SCYL2: variants seen among roughly 807,000 people sequenced by gnomAD.
The protein encoded by SCYL2 is SCY1 like pseudokinase 2.
SCYL2 carries 36 observed loss-of-function variants against 100.4 expected under a neutral mutation model. The ratio of observed to expected loss-of-function variants is 0.36; its 90% confidence interval spans 0.27 to 0.47. SCYL2 has a LOEUF of 0.47. SCYL2 is among the 20% of genes least tolerant of loss of function. The pLI, the probability that SCYL2 is intolerant of heterozygous loss-of-function variation, is 1.00. For missense variants in SCYL2, 902 were observed against 1,083.9 expected, an observed-to-expected ratio of 0.83 and a Z score of 2.36; for synonymous variants, 330 against 359.2, an observed-to-expected ratio of 0.92 and a Z score of 0.92.
At chr12:100,291,369 A>G (rs377395086) in intron 2 of SCYL2, 134 bp from the exon 3 acceptor site, 2 of 596,028 alleles carry the variant, frequency 3.4e-6, no homozygotes, top group African/African-American at 1.9e-5. Context: ...AAGGAAACCA[A>G]CTCTTTGATA....
intron 8 of SCYL2, 75 bp from the exon 9 acceptor site, chr12:100,315,483 G>A: frequency 1.6e-6 from 2 of 1,235,724 alleles, no homozygotes; most frequent in Non-Finnish European, 2.2e-6. Flanking sequence ...AGAGGTTTTA[G>A]ACCTTAGTGT....
intron 10 of SCYL2, among the ~76,000 whole-genome samples, chr12:100,320,234 T>C (rs1321445916): frequency 9.2e-5 from 14 of 152,106 alleles, no homozygotes; most frequent in Non-Finnish European, 2.9e-5. Context: ...TAGTTCCTCA[T>C]CCCGGCTGTT....
chr12:100,280,563 AT>A (rs1390847973), intron 1 of SCYL2, among the ~76,000 whole-genome samples: 1 of 152,218 alleles, frequency 6.6e-6, no homozygotes, highest in African/African-American at 2.4e-5. Flanking sequence ...GTCAACAGAC[AT>A]CATCACAATT....
intron 2 of SCYL2, among the ~76,000 whole-genome samples, chr12:100,288,986 C>T (rs556604041): frequency 4.1e-4 from 63 of 151,854 alleles, no homozygotes; most frequent in Non-Finnish European, 7.1e-4. Flanking sequence ...AGATTACAGG[C>T]GTGAGCTACC....
chr12:100,327,917 A>G (rs959030514), intron 12 of SCYL2, among the ~76,000 whole-genome samples: 4 of 152,188 alleles, frequency 2.6e-5, no homozygotes, highest in African/African-American at 9.6e-5. Context: ...GCAAGTATTT[A>G]TTGTGGACCT....
At chr12:100,293,113 G>C (rs1328521669) in intron 3 of SCYL2, among the ~76,000 whole-genome samples, 2 of 151,848 alleles carry the variant, frequency 1.3e-5, no homozygotes, top group African/African-American at 2.4e-5. Context: ...ACTGTGCCTG[G>C]CCTCTTCTTT....
intron 3 of SCYL2, among the ~76,000 whole-genome samples, chr12:100,292,397 A>G (rs947712401): frequency 1.7e-4 from 26 of 152,184 alleles, no homozygotes; most frequent in African/African-American, 6.0e-4. Context: ...ATTTTTAAGG[A>G]TAGGGGAAGA....
intron 12 of SCYL2, 22 bp from the exon 13 acceptor site, chr12:100,329,179 T>C (rs1353089710): frequency 1.8e-6 from 2 of 1,094,632 alleles, no homozygotes; most frequent in Middle Eastern, 2.1e-4. Context: ...CTTATAAAAT[T>C]TGTCACATTC....
Position 100,267,192 on chromosome 12 carries a change from C to T in SCYL2, c.-629C>T. The T allele has an allele frequency of 8.7e-7, 1 of 1,149,152 alleles. No homozygotes were observed. The highest frequency in any genetic ancestry group is 1.2e-6 in the Non-Finnish European group (1 of 817,854). 71.2% of individuals were successfully genotyped at this position (1,149,152 alleles called of 1,614,324 possible). A position where few individuals can be genotyped will look rare whatever the true frequency, so the allele number is the denominator to read the frequency against. On this transcript the variant is annotated 5_prime_UTR_variant, in exon 1 of 18. Coordinates refer to ENST00000360820, the MANE Select transcript of SCYL2 (RefSeq NM_017988.6). ...CAGGTCTTTTAGTCTTTTTCCCCCT[C>T]CCTTACTCTTCGTCCCCGGTCCCTC...
chr12:100,304,840 C>T (rs188428748), intron 4 of SCYL2, among the ~76,000 whole-genome samples: 206 of 151,274 alleles, frequency 1.4e-3, no homozygotes, highest in African/African-American at 3.9e-3. Context: ...AAAAAAAAAG[C>T]GGGGGTTGCA....
chr12:100,326,850 A>C (rs1040927801), intron 12 of SCYL2, 96 bp downstream of exon 12: 1 of 974,866 alleles, frequency 1.0e-6, no homozygotes, highest in Non-Finnish European at 1.5e-6. Context: ...TGTATATAGC[A>C]TTTCATAATT....
intron 13 of SCYL2, among the ~76,000 whole-genome samples, chr12:100,330,915 G>A (rs1167875249): frequency 4.1e-5 from 6 of 147,350 alleles, no homozygotes; most frequent in Non-Finnish European, 8.9e-5. Flanking sequence ...TGCAACCTCC[G>A]CCTTCTTGGT....
At chr12:100,328,307 G>A (rs2135929623) in intron 12 of SCYL2, among the ~76,000 whole-genome samples, 1 of 152,258 alleles carries the variant, frequency 6.6e-6, no homozygotes, top group South Asian at 2.1e-4. Context: ...GCAGGAGTTT[G>A]GCATAGTAGA....
rs1207644237 is a variant in SCYL2, at chr12:100,294,801, C to T, written c.335+3141C>T. ...GCGGCTGGCCGGGCGGGGGGCTGAC[C>T]CCCCCACCTCCCTCCCGGACGGGGT... On this transcript the variant is annotated intron_variant, in intron 3 of 17. Transcript: ENST00000360820. Among the ~76,000 whole-genome samples, 61 of 145,426 alleles carry T rather than the reference C, an allele frequency of 4.2e-4. 1 individual carries two copies. The highest frequency in any genetic ancestry group is 1.4e-3 in the African/African-American group (55 of 38,748).
At chr12:100,312,392 G>T (rs1423921494) in intron 5 of SCYL2, 40 bp from the exon 6 acceptor site, 9 of 1,392,822 alleles carry the variant, frequency 6.5e-6, no homozygotes, top group South Asian at 1.2e-5. Context: ...TTGTTTGGTT[G>T]AATTTGAAGT....
chr12:100,330,584 G>T (rs543618755), intron 13 of SCYL2, among the ~76,000 whole-genome samples: 3 of 152,286 alleles, frequency 2.0e-5, no homozygotes, highest in African/African-American at 7.2e-5. Flanking sequence ...GGAAAAGACT[G>T]AGTTGGGTTA....
chr12:100,317,129 C>T (rs552019683), intron 9 of SCYL2, among the ~76,000 whole-genome samples: 33 of 151,908 alleles, frequency 2.2e-4, no homozygotes, highest in Admixed American at 1.7e-3. Flanking sequence ...AAATTTCTTC[C>T]GAATATTCTT....
Position 100,339,113 on chromosome 12 carries a change from C to T in SCYL2, c.2731C>T (p.Pro911Ser). ...TAACCCACAGAACTTTGCACAGCCA[C>T]CAACTACTATGACCAATAGCAGTTC... ...FFNPQNFAQP[P>S]TTMTNSSSAS... is the part of the protein sequence containing the mutation. Residue 911 changes from proline (P) to serine (S), a missense_variant, in exon 18 of 18, where the codon CCA becomes TCA. Coordinates refer to ENST00000360820, the MANE Select transcript of SCYL2 (RefSeq NM_017988.6). 6.2e-7 allele frequency: 1 copy of T among 1,614,016 alleles called. No individual in the cohort carries two copies. Among genetic ancestry groups the T allele is most frequent in the Non-Finnish European group, 8.5e-7 (1 of 1,179,940 alleles).
rs575360923 is a variant in SCYL2 at position 100,318,893 on chromosome 12, G to A, written c.1395+968G>A. Among the ~76,000 whole-genome samples the A allele has an allele frequency of 2.6e-5, 4 of 152,210 alleles. No individual in the cohort carries two copies. In the Middle Eastern group the frequency reaches 0.01, roughly 388 times the overall value. On this transcript the variant is annotated intron_variant, in intron 10 of 17. Coordinates refer to ENST00000360820, the MANE Select transcript of SCYL2 (RefSeq NM_017988.6). The stretch of plus-strand genomic sequence containing the variant: ...AGACTGTTAGTTTTGTAGTCTTTGC[G>A]ATTAAAATTTTGGTTCTATGAGTTC...
Sources: allele counts gnomAD v4.1 joint callset (sites outside exome capture counted in the v4.1 genomes callset), GRCh38; gene constraint gnomAD v4.1.1; transcripts MANE v1.5; gene names NCBI Gene and HGNC (gene_info 2026-07-23, HGNC 2026-07-21).